USP13: variants seen among roughly 807,000 people sequenced by gnomAD.
USP13 encodes the protein ubiquitin carboxyl-terminal hydrolase 13.
Under a neutral mutation model 107.8 loss-of-function variants are expected in USP13, and 68 were observed. That is an observed-to-expected ratio of 0.63 (90% CI 0.52 to 0.77). The LOEUF is 0.77. Ranked by LOEUF, USP13 falls within the 30% of genes least tolerant of loss-of-function variation. The pLI is 0.00. For synonymous variants in USP13, 377 were observed against 389.5 expected, an observed-to-expected ratio of 0.97 and a Z score of 0.38; for missense variants, 945 against 1,093.3, an observed-to-expected ratio of 0.86 and a Z score of 1.91.
At chr3:179,765,597 C>A in intron 18 of USP13, 98 bp from the exon 19 acceptor site, 1 of 1,437,868 alleles carries the variant, frequency 7.0e-7, no homozygotes, top group Non-Finnish European at 9.4e-7. Context: ...TTCAGACCTC[C>A]TTCCCTATCT....
At chr3:179,707,443 G>A (rs1712764782) in intron 5 of USP13, among the ~76,000 whole-genome samples, 1 of 152,130 alleles carries the variant, frequency 6.6e-6, no homozygotes, top group Admixed American at 6.5e-5. Context: ...TGGCATGGGT[G>A]GATTAATACC....
chr3:179,685,440 G>C (rs1711835670), intron 2 of USP13, among the ~76,000 whole-genome samples: 1 of 151,970 alleles, frequency 6.6e-6, no homozygotes, highest in South Asian at 2.1e-4. Flanking sequence ...CAAAGAAGAG[G>C]GGGAGAGCAG....
At position 179,764,136 on chromosome 3, in the gene USP13, C is replaced by T; in HGVS notation, c.2227C>T (p.Arg743Ter). The T allele has an allele frequency of 3.1e-6, 5 of 1,612,466 alleles. No homozygotes were observed. The highest frequency in any genetic ancestry group is 1.3e-5 in the African/African-American group (1 of 74,602). Residue 743 changes from arginine to a stop codon, truncating the protein, a stop_gained, in exon 18 of 21, where the codon CGA becomes TGA. Transcript: ENST00000263966. LOFTEE classifies it high-confidence loss of function. ...TATCATCACCTCCATGGGATTTCAG[C>T]GAAATCAGGCTATTCAGGCACTACG... ...VAIITSMGFQ[R>*]NQAIQALRAT...
chr3:179,765,934 C>A (rs1462468654), intron 19 of USP13, 86 bp downstream of exon 19: 3 of 1,433,254 alleles, frequency 2.1e-6, no homozygotes, highest in African/African-American at 1.4e-5. Flanking sequence ...CATAGTCAAG[C>A]CTTTGCCATC....
intron 4 of USP13, among the ~76,000 whole-genome samples, chr3:179,706,272 C>T (rs1712715600): frequency 6.6e-6 from 1 of 152,186 alleles, no homozygotes; most frequent in Non-Finnish European, 1.5e-5. Flanking sequence ...GCCAATAGAA[C>T]ATTGGCTAAT....
At chr3:179,781,944 G>A in intron 20 of USP13, 121 bp downstream of exon 20, 2 of 866,786 alleles carry the variant, frequency 2.3e-6, no homozygotes, top group South Asian at 3.4e-5. Context: ...TCTTGTAAAG[G>A]GTATACTGTT....
chr3:179,783,136 A>C (rs1293963424), intron 20 of USP13, among the ~76,000 whole-genome samples: 1 of 152,232 alleles, frequency 6.6e-6, no homozygotes, highest in Non-Finnish European at 1.5e-5. Flanking sequence ...AAAATAAAAT[A>C]AAAATGCTTT....
intron 8 of USP13, among the ~76,000 whole-genome samples, chr3:179,724,023 G>T (rs1180294541): frequency 6.6e-6 from 1 of 151,946 alleles, no homozygotes; most frequent in African/African-American, 2.4e-5. Context: ...AGCCGGGCGT[G>T]GTGGTGCACA....
At chr3:179,704,823 T>A (rs1712656699) in intron 4 of USP13, among the ~76,000 whole-genome samples, 1 of 152,196 alleles carries the variant, frequency 6.6e-6, no homozygotes, top group Non-Finnish European at 1.5e-5. Flanking sequence ...ATTATAAGCT[T>A]GTTGAGGCCG....
intron 10 of USP13, among the ~76,000 whole-genome samples, chr3:179,731,804 A>G (rs1251163584): frequency 6.6e-6 from 1 of 152,064 alleles, no homozygotes; most frequent in East Asian, 1.9e-4. Context: ...CTTCCCCGCC[A>G]CCTGCTCTGG....
chr3:179,718,322 TGCTCTGTCAC>T (rs1713179976), intron 6 of USP13, among the ~76,000 whole-genome samples: 1 of 150,996 alleles, frequency 6.6e-6, no homozygotes, highest in Non-Finnish European at 1.5e-5. Flanking sequence ...GACAGGGTCC[TGCTCTGTCAC>T]CCAGGCTAGA....
At chr3:179,657,203 C>T (rs1720290919) in intron 1 of USP13, among the ~76,000 whole-genome samples, 2 of 152,072 alleles carry the variant, frequency 1.3e-5, no homozygotes, top group Admixed American at 6.6e-5. Context: ...AATTAGTAAT[C>T]ACATACACAT....
intron 19 of USP13, among the ~76,000 whole-genome samples, chr3:179,775,514 G>A (rs572896504): frequency 1.4e-4 from 21 of 152,378 alleles, no homozygotes; most frequent in African/African-American, 2.4e-4. Context: ...CGCGCCACGC[G>A]CCTGCACTCC....
At chr3:179,697,131 T>A (rs189945055) in intron 3 of USP13, among the ~76,000 whole-genome samples, 104 of 152,286 alleles carry the variant, frequency 6.8e-4, no homozygotes, top group Admixed American at 1.4e-3. Flanking sequence ...TTCCACTTTT[T>A]TTTGGCTTAG....
At chr3:179,756,096 A>G (rs1174711424) in intron 15 of USP13, among the ~76,000 whole-genome samples, 1 of 152,210 alleles carries the variant, frequency 6.6e-6, no homozygotes, top group Non-Finnish European at 1.5e-5. Context: ...TGTTCATAAT[A>G]GAATCTTTGG....
At chr3:179,707,107 C>T in intron 5 of USP13, 31 bp downstream of exon 5, 1 of 1,579,038 alleles carries the variant, frequency 6.3e-7, no homozygotes, top group South Asian at 1.2e-5. Context: ...TGGAACTTTA[C>T]TCCCTAAAAC....
intron 1 of USP13, among the ~76,000 whole-genome samples, chr3:179,672,237 G>A (rs1010493930): frequency 6.6e-6 from 1 of 152,112 alleles, no homozygotes; most frequent in African/African-American, 2.4e-5. Context: ...CTTTGTCTTT[G>A]ATGTTATTTC....
In USP13 at chr3:179,720,148, T is replaced by C. The variant is rs16830767; in HGVS notation, c.900+114T>C. On this transcript the variant is annotated intron_variant, in intron 7 of 20. Coordinates refer to ENST00000263966, the MANE Select transcript of USP13 (RefSeq NM_003940.3). The stretch of plus-strand genomic sequence containing the variant: ...ATTCCTCTAACGTGGATCTTCATTT[T>C]ATAGGTTTTAGCTTTTAATTGTTGC... 7.4e-3 allele frequency: 4,890 copies of C among 663,236 alleles called. 210 individuals are homozygous for C. The African/African-American group carries it at 0.082, about 11-fold the overall frequency. 41.1% of individuals were successfully genotyped at this position (663,236 alleles called of 1,614,324 possible).
intron 4 of USP13, among the ~76,000 whole-genome samples, chr3:179,704,966 C>G (rs1712661440): frequency 6.6e-6 from 1 of 152,082 alleles, no homozygotes; most frequent in Non-Finnish European, 1.5e-5. Flanking sequence ...TGGCAGATCA[C>G]TCTGGCTGCT....
Sources: gnomAD v4.1 joint callset for allele counts (sites outside exome capture counted in the v4.1 genomes callset) on GRCh38, gnomAD v4.1.1 for gene constraint, MANE v1.5 for transcripts, NCBI Gene and HGNC (gene_info 2026-07-23, HGNC 2026-07-21) for gene names.